Variants in SLC8A1 observed in about 807,000 individuals in gnomAD.
The protein encoded by SLC8A1 is solute carrier family 8 member A1.
In SLC8A1, 18 loss-of-function variants were observed where a neutral mutation model predicts 68.3. The ratio of observed to expected loss-of-function variants is 0.26; its 90% CI spans 0.18 to 0.39. The LOEUF is 0.39. SLC8A1 is among the 10% of genes least tolerant of loss of function. The pLI is 1.00. For synonymous variants in SLC8A1, 475 were observed against 415.5 expected (o/e 1.14, Z -1.74); for missense variants, 985 against 1,156.7 (o/e 0.85, Z 2.15).
At chr2:40,425,695 A>G (rs1696671818) in intron 2 of SLC8A1, among the ~76,000 whole-genome samples, 1 of 152,032 alleles carries the variant, frequency 6.6e-6, no homozygotes, top group Non-Finnish European at 1.5e-5. Flanking sequence ...ATTCTTAAAG[A>G]TAAGTTGGGT....
chr2:40,338,242 G>A (rs977471919), intron 2 of SLC8A1, among the ~76,000 whole-genome samples: 1 of 152,094 alleles, frequency 6.6e-6, no homozygotes, highest in African/African-American at 2.4e-5. Context: ...AGAGAAGCCT[G>A]GACATCCTGC....
intron 2 of SLC8A1, among the ~76,000 whole-genome samples, chr2:40,203,191 T>G (rs1197250323): frequency 2.6e-5 from 4 of 152,034 alleles, no homozygotes; most frequent in African/African-American, 9.7e-5. Flanking sequence ...TACTTGCAAT[T>G]CCTTCCAAAT....
chr2:40,309,248 G>A (rs2073236075), intron 2 of SLC8A1, among the ~76,000 whole-genome samples: 1 of 152,140 alleles, frequency 6.6e-6, no homozygotes, highest in African/African-American at 2.4e-5. Context: ...GGCAGGAGCT[G>A]CATTTTCAAC....
chr2:40,334,147 T>C lies in SLC8A1; in HGVS notation c.1808+94326A>G, dbSNP rs1168982659. Reference sequence around the variant, plus strand: ...ATCTATAGAAACATAAGTGTTAGAATTAGCTAAAAGGAGCCTTAGAGACTA... The same window carrying C: ...ATCTATAGAAACATAAGTGTTAGAACTAGCTAAAAGGAGCCTTAGAGACTA... On this transcript the variant is annotated intron_variant, in intron 2 of 7. Coordinates refer to ENST00000406785, the Ensembl canonical transcript of SLC8A1. 5.5e-4 allele frequency among the ~76,000 whole-genome samples: 84 copies of C among 152,224 alleles called. 3 individuals carry two copies. The highest frequency in any genetic ancestry group is 5.5e-3 in the Admixed American group (84 of 15,282).
chr2:40,507,219 C>T (rs377620674), intron 1 of SLC8A1, among the ~76,000 whole-genome samples: 14 of 151,854 alleles, frequency 9.2e-5, no homozygotes, highest in East Asian at 3.9e-4. Context: ...ATTTTCCAAT[C>T]GTCTTTACTT....
chr2:40,170,325 T>A, intron 4 of SLC8A1: 1 of 1,614,134 alleles, frequency 6.2e-7, no homozygotes, highest in Non-Finnish European at 8.5e-7. Flanking sequence ...TTCTCTAGCA[T>A]GAACCTTCCT....
chr2:40,415,307 G>T (rs574190857), intron 2 of SLC8A1, among the ~76,000 whole-genome samples: 2 of 152,110 alleles, frequency 1.3e-5, no homozygotes, highest in Non-Finnish European at 2.9e-5. Context: ...GACATAATTG[G>T]TAACGGTTTT....
intron 2 of SLC8A1, among the ~76,000 whole-genome samples, chr2:40,273,067 T>C (rs1038227566): frequency 5.9e-5 from 9 of 152,094 alleles, no homozygotes; most frequent in Admixed American, 1.3e-4. Context: ...CTCAGCCTCC[T>C]GAGTAGCTGG....
intron 2 of SLC8A1, among the ~76,000 whole-genome samples, chr2:40,357,852 C>G (rs1194356113): frequency 6.6e-6 from 1 of 152,010 alleles, no homozygotes; most frequent in Non-Finnish European, 1.5e-5. Context: ...TCTCTCTCCC[C>G]CTTTTCATCT....
chr2:40,366,051 A>G (rs1331944390), intron 2 of SLC8A1, among the ~76,000 whole-genome samples: 3 of 151,932 alleles, frequency 2.0e-5, no homozygotes, highest in African/African-American at 7.2e-5. Flanking sequence ...CCAGAGAACT[A>G]GGACTTCATT....
In SLC8A1 at chr2:40,429,066, AG is replaced by A. The variant is rs762969658; in HGVS notation, c.1214del (p.Pro405LeufsTer32). 1 of 1,612,036 alleles carries A rather than the reference AG, an allele frequency of 6.2e-7. No homozygotes were observed. Among genetic ancestry groups the A allele is most frequent in the Non-Finnish European group, 8.5e-7 (1 of 1,178,290 alleles). On this transcript the variant is annotated frameshift_variant, in exon 2 of 8. Coordinates refer to ENST00000406785, the Ensembl canonical transcript of SLC8A1. LOFTEE classifies it high-confidence loss of function. The stretch of plus-strand genomic sequence containing the variant: ...CTTGTTCAAAGAAGATCTTACTAAC[AG>A]GGTCATTTTCAGTCACTTCAGTGTT...
intron 1 of SLC8A1, among the ~76,000 whole-genome samples, chr2:40,465,504 G>A (rs560486683): frequency 3.2e-4 from 49 of 152,140 alleles, no homozygotes; most frequent in Admixed American, 2.4e-3. Flanking sequence ...GTTGCCTTTG[G>A]GGTAGTTCTA....
intron 2 of SLC8A1, among the ~76,000 whole-genome samples, chr2:40,192,808 C>T (rs2052142081): frequency 6.6e-6 from 1 of 151,986 alleles, no homozygotes. Flanking sequence ...AATTAAATTG[C>T]TTTCACAAAG....
rs201875232 is a variant in SLC8A1, at chr2:40,289,862, A to AAAATT, written c.1809-112012_1809-112008dup. Among the ~76,000 whole-genome samples, 296 of 151,836 alleles carry AAAATT rather than the reference A, an allele frequency of 1.9e-3. 1 individual carries two copies. Among genetic ancestry groups the AAAATT allele is most frequent in the South Asian group, 6.9e-3 (33 of 4,814 alleles). ...GGCGACAGAGCGAGACTCAGTCTCAAAAATTAAATTAAATTAAATTAAATT... is the reference window on the plus strand; with the variant it reads ...GGCGACAGAGCGAGACTCAGTCTCAAAAATTAAATTAAATTAAATTAAATTAAATT... On this transcript the variant is annotated intron_variant, in intron 2 of 7. Transcript: ENST00000406785.
At chr2:40,393,823 T>C (rs959501297) in intron 2 of SLC8A1, among the ~76,000 whole-genome samples, 3 of 152,142 alleles carry the variant, frequency 2.0e-5, no homozygotes, top group African/African-American at 7.2e-5. Context: ...CTAATAGTCA[T>C]AACCTAAATC....
At chr2:40,282,527 C>G (rs891676989) in intron 2 of SLC8A1, among the ~76,000 whole-genome samples, 1 of 152,188 alleles carries the variant, frequency 6.6e-6, no homozygotes, top group Middle Eastern at 3.4e-3. Context: ...TATTATTACC[C>G]AAGATTAAAA....
At chr2:40,214,948 C>A (rs1274387382) in intron 2 of SLC8A1, among the ~76,000 whole-genome samples, 2 of 152,116 alleles carry the variant, frequency 1.3e-5, no homozygotes, top group African/African-American at 4.8e-5. Context: ...TTTACCGGAT[C>A]AATTCTCATG....
intron 1 of SLC8A1, among the ~76,000 whole-genome samples, chr2:40,439,180 A>C (rs1700030867): frequency 6.6e-6 from 1 of 152,030 alleles, no homozygotes; most frequent in Non-Finnish European, 1.5e-5. Context: ...ACTGGAGGTA[A>C]TATAAAGTTC....
At chr2:40,425,284 T>C (rs1434572726) in intron 2 of SLC8A1, among the ~76,000 whole-genome samples, 2 of 151,840 alleles carry the variant, frequency 1.3e-5, no homozygotes, top group Non-Finnish European at 2.9e-5. Flanking sequence ...TGTGAGAATA[T>C]GAATAAATAT....
Sources: gnomAD v4.1 joint callset for allele counts (sites outside exome capture counted in the v4.1 genomes callset) on GRCh38, gnomAD v4.1.1 for gene constraint, MANE v1.5 for transcripts, NCBI Gene and HGNC (gene_info 2026-07-23, HGNC 2026-07-21) for gene names.